The following RORA variants were observed in gnomAD, a reference collection of about 807,000 sequenced individuals.
RORA encodes RAR related orphan receptor A, also known as nuclear receptor ROR-alpha.
In RORA, 7 loss-of-function variants were observed where a neutral mutation model predicts 69.5. The ratio of observed to expected loss-of-function variants is 0.10; its 90% CI spans 0.06 to 0.19. The LOEUF (loss-of-function observed/expected upper bound fraction) is 0.19, where lower values mean the gene tolerates loss of function less well. RORA is among the 10% of genes least tolerant of loss of function. RORA has a pLI of 1.00. For missense variants in RORA, 457 were observed against 663.0 expected (o/e 0.69, Z 3.41); for synonymous variants, 261 against 240.8 (o/e 1.08, Z -0.78).
At chr15:60,832,298 G>T (rs531865197) in intron 1 of RORA, among the ~76,000 whole-genome samples, 19 of 152,254 alleles carry the variant, frequency 1.2e-4, no homozygotes, top group Non-Finnish European at 2.5e-4. Context: ...AGTTTGCCAG[G>T]AATTTTCCTG....
intron 1 of RORA, among the ~76,000 whole-genome samples, chr15:60,906,653 G>A (rs915473536): frequency 1.3e-5 from 2 of 152,164 alleles, no homozygotes; most frequent in African/African-American, 4.8e-5. Flanking sequence ...AGTGATTTAA[G>A]GAATTTTAGG....
chr15:60,524,118 A>C (rs2066267923), intron 3 of RORA, among the ~76,000 whole-genome samples: 1 of 152,126 alleles, frequency 6.6e-6, no homozygotes, highest in Non-Finnish European at 1.5e-5. Context: ...CCCATATTCA[A>C]GCATCACCAA....
intron 2 of RORA, among the ~76,000 whole-genome samples, chr15:60,628,822 G>C (rs545510246): frequency 2.0e-5 from 3 of 152,278 alleles, no homozygotes; most frequent in African/African-American, 7.2e-5. Flanking sequence ...CAAGTAAGGA[G>C]AACCCAGAGA....
intron 1 of RORA, among the ~76,000 whole-genome samples, chr15:60,875,046 A>G (rs1019437230): frequency 2.6e-5 from 4 of 152,142 alleles, no homozygotes; most frequent in African/African-American, 9.7e-5. Flanking sequence ...GTAACAACAA[A>G]AACACTGAGA....
chr15:60,921,949 A>C (rs1892060270), intron 1 of RORA, among the ~76,000 whole-genome samples: 1 of 152,184 alleles, frequency 6.6e-6, no homozygotes, highest in South Asian at 2.1e-4. Flanking sequence ...AACTAAAGAG[A>C]ATACTATAAC....
intron 1 of RORA, among the ~76,000 whole-genome samples, chr15:60,751,529 A>T (rs949383198): frequency 2.6e-5 from 4 of 152,190 alleles, no homozygotes; most frequent in Non-Finnish European, 4.4e-5. Flanking sequence ...TATTTTCTTT[A>T]TCCCACTTTA....
chr15:60,860,467 C>T (rs1047597635), intron 1 of RORA, among the ~76,000 whole-genome samples: 2 of 152,164 alleles, frequency 1.3e-5, no homozygotes, highest in South Asian at 2.1e-4. Context: ...TTTGACCCAA[C>T]GTTTAGCATA....
chr15:60,676,440 C>T (rs1407222142), intron 2 of RORA, among the ~76,000 whole-genome samples: 4 of 152,120 alleles, frequency 2.6e-5, no homozygotes, highest in Non-Finnish European at 5.9e-5. Context: ...TTTTGTCATT[C>T]GGCCATTTTT....
intron 1 of RORA, among the ~76,000 whole-genome samples, chr15:60,820,335 G>A (rs1432928957): frequency 6.6e-6 from 1 of 152,150 alleles, no homozygotes; most frequent in Non-Finnish European, 1.5e-5. Flanking sequence ...TTTAAGATTG[G>A]ACAGTATCAG....
intron 1 of RORA, among the ~76,000 whole-genome samples, chr15:60,743,390 A>T (rs1595677745): frequency 6.6e-6 from 1 of 152,328 alleles, no homozygotes; most frequent in Admixed American, 6.5e-5. Context: ...TTTCCATAGC[A>T]AAGGTTAAGT....
At chr15:61,143,616 T>A (rs547538623) in intron 1 of RORA, among the ~76,000 whole-genome samples, 1 of 152,140 alleles carries the variant, frequency 6.6e-6, no homozygotes, top group African/African-American at 2.4e-5. Flanking sequence ...GAAATAAACA[T>A]AATGCACATA....
chr15:60,900,827 G>A (rs1350364842), intron 1 of RORA, among the ~76,000 whole-genome samples: 4 of 151,932 alleles, frequency 2.6e-5, no homozygotes, highest in Admixed American at 6.5e-5. Flanking sequence ...AGCTGAGATC[G>A]TGCCACTGCA....
At chr15:60,640,094 G>A (rs1466749712) in intron 2 of RORA, among the ~76,000 whole-genome samples, 5 of 152,156 alleles carry the variant, frequency 3.3e-5, no homozygotes, top group Admixed American at 3.3e-4. Flanking sequence ...ACTTCTCTGA[G>A]CCTGAGAGTC....
intron 6 of RORA, among the ~76,000 whole-genome samples, chr15:60,505,254 T>G (rs1488887524): frequency 6.6e-6 from 1 of 152,200 alleles, no homozygotes; most frequent in Non-Finnish European, 1.5e-5. Flanking sequence ...TAATCTATTC[T>G]CCTGTTGACA....
intron 1 of RORA, among the ~76,000 whole-genome samples, chr15:60,780,612 T>C (rs1185996692): frequency 6.6e-6 from 1 of 152,240 alleles, no homozygotes; most frequent in African/African-American, 2.4e-5. Flanking sequence ...AGAAACAATT[T>C]GCTTGATAGA....
intron 1 of RORA, among the ~76,000 whole-genome samples, chr15:60,990,412 C>G (rs971659214): frequency 1.3e-5 from 2 of 152,092 alleles, no homozygotes; most frequent in African/African-American, 2.4e-5. Context: ...ATTTCCTACT[C>G]CTGTGCCTTT....
chr15:60,512,849 A>C (rs994698212), intron 4 of RORA, among the ~76,000 whole-genome samples: 2 of 152,232 alleles, frequency 1.3e-5, no homozygotes, highest in Non-Finnish European at 2.9e-5. Flanking sequence ...AACTGAAAAC[A>C]AAAACACACA....
At chr15:61,082,914 AAAG>A (rs1213118863) in intron 1 of RORA, among the ~76,000 whole-genome samples, 4 of 152,212 alleles carry the variant, frequency 2.6e-5, no homozygotes, top group South Asian at 2.1e-4. Flanking sequence ...GAAAGCTTCT[AAAG>A]AAGGAGAGGC....
chr15:60,677,304 C>T (rs369324668), intron 2 of RORA: 3 of 425,270 alleles, frequency 7.1e-6, no homozygotes, highest in Non-Finnish European at 9.8e-6. Context: ...AATTATGCAC[C>T]GACAACAGCA....
Sources: allele counts gnomAD v4.1 joint callset (sites outside exome capture counted in the v4.1 genomes callset), GRCh38; gene constraint gnomAD v4.1.1; transcripts MANE v1.5; gene names NCBI Gene and HGNC (gene_info 2026-07-23, HGNC 2026-07-21).